The following MTUS2 variants were observed in gnomAD, a reference collection of about 807,000 sequenced individuals.
The protein encoded by MTUS2 is microtubule associated scaffold protein 2, also known as microtubule-associated tumor suppressor candidate 2.
MTUS2 carries 40 observed loss-of-function variants against 114.1 expected under a neutral mutation model. That is an observed-to-expected ratio of 0.35 (90% confidence interval 0.27 to 0.46). The LOEUF is 0.46. Among genes scored for constraint, MTUS2 ranks in the 20% least tolerant of loss-of-function variants. The pLI is 1.00. For synonymous variants in MTUS2, 688 were observed against 672.0 expected (o/e 1.02, Z -0.37); for missense variants, 1,679 against 1,705.4 (o/e 0.98, Z 0.27).
intron 9 of MTUS2, among the ~76,000 whole-genome samples, chr13:29,458,129 A>G (rs1294262101): frequency 1.3e-5 from 2 of 152,054 alleles, no homozygotes; most frequent in African/African-American, 4.8e-5. Context: ...CTATAGTGCT[A>G]TGTGTCTTCT....
chr13:28,957,504 C>G (rs138891122), intron 2 of MTUS2, among the ~76,000 whole-genome samples: 1 of 152,092 alleles, frequency 6.6e-6, no homozygotes. Context: ...GACTTTTTTT[C>G]TTGTCACTCT....
chr13:29,305,372 A>G (rs1899399931), intron 6 of MTUS2, among the ~76,000 whole-genome samples: 1 of 152,092 alleles, frequency 6.6e-6, no homozygotes, highest in South Asian at 2.1e-4. Flanking sequence ...AAAAAAAAGT[A>G]ATAAAGAGAC....
chr13:28,847,211 G>A (rs1480789962), intron 2 of MTUS2, among the ~76,000 whole-genome samples: 1 of 152,160 alleles, frequency 6.6e-6, no homozygotes, highest in Non-Finnish European at 1.5e-5. Flanking sequence ...TATTCAAATA[G>A]GCATGAACAA....
chr13:28,829,456 C>G (rs538377180), intron 1 of MTUS2, among the ~76,000 whole-genome samples: 2 of 151,962 alleles, frequency 1.3e-5, no homozygotes, highest in African/African-American at 4.8e-5. Flanking sequence ...CGCTTGAACC[C>G]GGGAGGTGGA....
intron 2 of MTUS2, among the ~76,000 whole-genome samples, chr13:28,971,698 A>G (rs142906239): frequency 3.7e-4 from 57 of 152,330 alleles, no homozygotes; most frequent in African/African-American, 1.3e-3. Context: ...TTTCTATTTT[A>G]CGCAGGGCTT....
chr13:29,173,899 A>G (rs1175733483), intron 5 of MTUS2, among the ~76,000 whole-genome samples: 2 of 152,152 alleles, frequency 1.3e-5, no homozygotes, highest in Non-Finnish European at 2.9e-5. Flanking sequence ...TTAAATTCAA[A>G]TTTTAATTGA....
At chr13:29,160,537 G>A (rs1413946904) in intron 5 of MTUS2, among the ~76,000 whole-genome samples, 4 of 152,162 alleles carry the variant, frequency 2.6e-5, no homozygotes, top group Middle Eastern at 3.2e-3. Flanking sequence ...TTGGGAGGCC[G>A]AGGCCGGCAG....
At chr13:29,093,897 TA>T (rs1204671149) in intron 4 of MTUS2, among the ~76,000 whole-genome samples, 8 of 152,182 alleles carry the variant, frequency 5.3e-5, no homozygotes, top group African/African-American at 1.7e-4. Flanking sequence ...TAAGCCCTTA[TA>T]AGATTGAATA....
intron 8 of MTUS2, among the ~76,000 whole-genome samples, chr13:29,378,226 C>CA: frequency 6.6e-6 from 1 of 151,634 alleles, no homozygotes; most frequent in African/African-American, 2.4e-5. Context: ...GCCCTATACA[C>CA]AAAAAAGTCA....
At chr13:29,348,780 C>A (rs1176353770) in intron 7 of MTUS2, among the ~76,000 whole-genome samples, 4 of 152,122 alleles carry the variant, frequency 2.6e-5, no homozygotes, top group Non-Finnish European at 4.4e-5. Flanking sequence ...GATGAATTGG[C>A]CACTTTATCA....
At chr13:29,360,501 G>T (rs979431462) in intron 8 of MTUS2, among the ~76,000 whole-genome samples, 1 of 152,084 alleles carries the variant, frequency 6.6e-6, no homozygotes, top group Non-Finnish European at 1.5e-5. Context: ...TTATCAATCT[G>T]TTGTGGTATT....
At chr13:29,073,122 A>G (rs1176437860) in intron 4 of MTUS2, among the ~76,000 whole-genome samples, 1 of 152,160 alleles carries the variant, frequency 6.6e-6, no homozygotes, top group Non-Finnish European at 1.5e-5. Flanking sequence ...GGTTATATGC[A>G]GTCACTTTCA....
At chr13:29,044,318 G>A (rs891585459) in intron 4 of MTUS2, among the ~76,000 whole-genome samples, 15 of 151,968 alleles carry the variant, frequency 9.9e-5, no homozygotes, top group African/African-American at 3.6e-4. Flanking sequence ...TTATCTTTGG[G>A]TCTTTGTACA....
intron 2 of MTUS2, among the ~76,000 whole-genome samples, chr13:29,021,221 C>CA (rs1264527440): frequency 3.3e-5 from 5 of 152,306 alleles, no homozygotes; most frequent in African/African-American, 1.2e-4. Context: ...GAGCTATGAA[C>CA]GTGCTACTGC....
At chr13:29,103,480 AAAAT>A (rs1890513197) in intron 5 of MTUS2, among the ~76,000 whole-genome samples, 1 of 152,256 alleles carries the variant, frequency 6.6e-6, no homozygotes, top group South Asian at 2.1e-4. Flanking sequence ...TTAAAAACTA[AAAAT>A]GCTGTTCCTG....
rs1230582059 is a variant in MTUS2 at position 29,457,541 on chromosome 13, T to A, written c.3184+17492T>A. Among the ~76,000 whole-genome samples, 4 of 152,168 alleles carry A rather than the reference T, an allele frequency of 2.6e-5. No individual in the cohort carries two copies. The East Asian group carries it at 7.7e-4, about 29-fold the overall frequency. ...ACACCACAATGCATTTATCTGTTCT[T>A]CTGCTGGTAGACATGTGGGTGGTTT... On this transcript the variant is annotated intron_variant, in intron 9 of 15. Coordinates refer to ENST00000612955, the MANE Select transcript of MTUS2 (RefSeq NM_001033602.4).
At chr13:29,067,115 C>T (rs983777292) in intron 4 of MTUS2, among the ~76,000 whole-genome samples, 5 of 152,024 alleles carry the variant, frequency 3.3e-5, no homozygotes, top group African/African-American at 1.2e-4. Context: ...TCCTAAGGGA[C>T]ATTTAGGTAG....
At chr13:29,202,809 C>T (rs1321707421) in intron 5 of MTUS2, among the ~76,000 whole-genome samples, 7 of 152,158 alleles carry the variant, frequency 4.6e-5, no homozygotes, top group Non-Finnish European at 8.8e-5. Flanking sequence ...CACTCCAGAC[C>T]CTGTTTGCCT....
chr13:29,243,087 G>T (rs150809248), intron 5 of MTUS2, among the ~76,000 whole-genome samples: 1,676 of 152,278 alleles, frequency 0.011, 31 homozygotes, highest in African/African-American at 0.038. Context: ...CGCTTGAGGA[G>T]AAATTTTCAA....
Sources: gnomAD v4.1 joint callset for allele counts (sites outside exome capture counted in the v4.1 genomes callset) on GRCh38, gnomAD v4.1.1 for gene constraint, MANE v1.5 for transcripts, NCBI Gene and HGNC (gene_info 2026-07-23, HGNC 2026-07-21) for gene names.